Variants in SEC16B observed in about 807,000 individuals in gnomAD.
SEC16B encodes protein transport protein Sec16B.
SEC16B carries 115 observed loss-of-function variants against 141.8 expected under a neutral mutation model. The observed-to-expected ratio is 0.81, with a 90% CI of 0.70 to 0.95. The LOEUF is 0.95. Among genes scored for constraint, SEC16B ranks in the 40% least tolerant of loss-of-function variants. The pLI is 0.00. For synonymous variants in SEC16B, 493 were observed against 492.5 expected (o/e 1.00, Z -0.01); for missense variants, 1,291 against 1,312.3 (o/e 0.98, Z 0.25).
intron 15 of SEC16B, among the ~76,000 whole-genome samples, chr1:177,943,396 A>G (rs1450541401): frequency 6.6e-6 from 1 of 152,220 alleles, no homozygotes; most frequent in African/African-American, 2.4e-5. Flanking sequence ...TATGTAACAA[A>G]CCTGCACATT....
intron 1 of SEC16B, among the ~76,000 whole-genome samples, chr1:177,976,712 T>C (rs1408504769): frequency 6.6e-6 from 1 of 152,186 alleles, no homozygotes; most frequent in African/African-American, 2.4e-5. Context: ...ATGTTAACAG[T>C]TATTATTTCC....
intron 1 of SEC16B, among the ~76,000 whole-genome samples, chr1:177,979,192 TCATGTGAATA>T (rs1654301320): frequency 1.3e-5 from 2 of 152,220 alleles, no homozygotes; most frequent in South Asian, 4.1e-4. Context: ...AAAATCTATT[TCATGTGAATA>T]CAATAACTAT....
At chr1:177,930,053 TC>T (rs1650299565) in intron 25 of SEC16B, 124 bp from the exon 26 acceptor site, 1 of 882,740 alleles carries the variant, frequency 1.1e-6, no homozygotes, top group African/African-American at 1.7e-5. Context: ...AAGGTTGTGT[TC>T]TAATTGCGTA....
intron 7 of SEC16B, 170 bp downstream of exon 7, chr1:177,960,621 C>T (rs1652982835): frequency 1.4e-6 from 1 of 735,820 alleles, no homozygotes; most frequent in South Asian, 1.9e-5. Context: ...GAGAAGAGCC[C>T]CACCCATTCC....
At chr1:177,960,709 G>A in intron 7 of SEC16B, 82 bp downstream of exon 7, 2 of 1,432,518 alleles carry the variant, frequency 1.4e-6, no homozygotes, top group African/African-American at 1.4e-5. Context: ...CCCGGCTCAG[G>A]CACAGGAAAG....
rs1413478464 is a variant in SEC16B at position 177,944,579 on chromosome 1, G to A, written c.1863C>T (p.Ser621=). ...CAGTTACCTGGAAAGAAGGGATGAA[G>A]GATTTGGGGCGGCCCAGCATCTGAC... ...EYCQMLGRPK[S]FIPSFQVYKL... The change falls in exon 15 of 26, where the codon TCC becomes TCT. Residue 621 remains serine, a synonymous_variant. Transcript: ENST00000308284. 7 of 1,613,556 alleles carry A rather than the reference G, an allele frequency of 4.3e-6. No individual in the cohort carries two copies. The highest frequency in any genetic ancestry group is 5.9e-6 in the Non-Finnish European group (7 of 1,179,642).
chr1:177,944,055 A>G (rs504515), intron 15 of SEC16B, among the ~76,000 whole-genome samples: 13,890 of 152,264 alleles, frequency 0.091, 885 homozygotes, highest in East Asian at 0.29. Context: ...CAGTATGGAC[A>G]CCACCCACAC....
intron 6 of SEC16B, chr1:177,961,176 T>C (rs990308262): frequency 3.8e-6 from 2 of 521,462 alleles, no homozygotes; most frequent in Non-Finnish European, 3.4e-6. Flanking sequence ...ATGATAATGC[T>C]CTCAGCCCAG....
At chr1:177,945,989 A>G (rs1651672046) in intron 14 of SEC16B, 1 of 308,052 alleles carries the variant, frequency 3.2e-6, no homozygotes, top group Non-Finnish European at 6.0e-6. Context: ...CTAGGGCCCC[A>G]AAGAGGGACT....
chr1:177,939,285 C>T (rs1412844108), intron 18 of SEC16B, among the ~76,000 whole-genome samples: 1 of 152,220 alleles, frequency 6.6e-6, no homozygotes, highest in Non-Finnish European at 1.5e-5. Flanking sequence ...ACTTATTCCA[C>T]AATCATCTGG....
chr1:177,983,313 C>A (rs1020023295), intron 1 of SEC16B, among the ~76,000 whole-genome samples: 2 of 152,196 alleles, frequency 1.3e-5, no homozygotes, highest in Middle Eastern at 3.2e-3. Context: ...GTTCATTTCT[C>A]CTCTTATAAC....
intron 21 of SEC16B, 39 bp from the exon 22 acceptor site, chr1:177,933,351 GCTT>G: frequency 6.4e-7 from 1 of 1,564,110 alleles, no homozygotes; most frequent in Non-Finnish European, 8.7e-7. Flanking sequence ...CTGCAGGTTG[GCTT>G]CTTCCCCAAC....
At chr1:177,945,858 T>A (rs923038795) in intron 14 of SEC16B, 5 of 168,988 alleles carry the variant, frequency 3.0e-5, no homozygotes, top group Non-Finnish European at 6.3e-5. Flanking sequence ...GTTCTGTCCA[T>A]GCATTCATTC....
At chr1:177,979,285 A>G (rs1654305475) in intron 1 of SEC16B, among the ~76,000 whole-genome samples, 1 of 152,254 alleles carries the variant, frequency 6.6e-6, no homozygotes, top group Non-Finnish European at 1.5e-5. Context: ...ATTAAATCAT[A>G]AAAATAAGAA....
chr1:177,934,331 T>C (rs1437040280), intron 20 of SEC16B, among the ~76,000 whole-genome samples: 1 of 152,322 alleles, frequency 6.6e-6, no homozygotes, highest in East Asian at 1.9e-4. Flanking sequence ...TCACTGCCAT[T>C]CCACTTTATG....
intron 13 of SEC16B, among the ~76,000 whole-genome samples, 187 bp from the exon 14 acceptor site, chr1:177,946,718 A>G (rs1290420016): frequency 6.6e-6 from 1 of 152,224 alleles, no homozygotes; most frequent in Non-Finnish European, 1.5e-5. Flanking sequence ...CTCCTCCCAC[A>G]GCCCATTTGG....
intron 2 of SEC16B, 134 bp from the exon 3 acceptor site, chr1:177,966,139 C>T (rs1443987939): frequency 1.3e-5 from 7 of 528,230 alleles, no homozygotes; most frequent in South Asian, 3.6e-5. Flanking sequence ...TTGAAAGCCA[C>T]AGTTAATTCT....
intron 12 of SEC16B, among the ~76,000 whole-genome samples, chr1:177,951,375 C>T (rs1652181946): frequency 6.6e-6 from 1 of 152,302 alleles, no homozygotes; most frequent in Admixed American, 6.5e-5. Flanking sequence ...AAGATCAAGT[C>T]TCCTATAATG....
chr1:177,964,976 C>A (rs1653395598), intron 4 of SEC16B, 71 bp downstream of exon 4: 1 of 1,564,916 alleles, frequency 6.4e-7, no homozygotes, highest in South Asian at 1.2e-5. Context: ...GCATCAGACG[C>A]CAGAAGATTT....
Sources: allele counts gnomAD v4.1 joint callset (sites outside exome capture counted in the v4.1 genomes callset), GRCh38; gene constraint gnomAD v4.1.1; transcripts MANE v1.5; gene names NCBI Gene and HGNC (gene_info 2026-07-23, HGNC 2026-07-21).